The following PCDH15 variants were observed in gnomAD, a reference collection of about 807,000 sequenced individuals.
PCDH15 encodes protocadherin related 15, also known as protocadherin-15.
Under a neutral mutation model 178.5 loss-of-function variants are expected in PCDH15, and 129 were observed. That is an observed-to-expected ratio of 0.72 (90% CI 0.63 to 0.84). PCDH15 has a LOEUF of 0.84. Among genes scored for constraint, PCDH15 ranks in the 40% least tolerant of loss-of-function variants. PCDH15 has a pLI of 0.00. For synonymous variants in PCDH15, 800 were observed against 732.0 expected (o/e 1.09, Z -1.50); for missense variants, 2,230 against 2,099.9 (o/e 1.06, Z -1.21).
At chr10:53,871,569 A>C (rs2079859140) in intron 26 of PCDH15, among the ~76,000 whole-genome samples, 1 of 151,586 alleles carries the variant, frequency 6.6e-6, no homozygotes, top group African/African-American at 2.4e-5. Context: ...AAGGTTTAAC[A>C]TTTTTTCATA....
intron 3 of PCDH15, among the ~76,000 whole-genome samples, chr10:54,523,646 T>C (rs1426706678): frequency 1.3e-5 from 2 of 152,186 alleles, no homozygotes; most frequent in Non-Finnish European, 2.9e-5. Flanking sequence ...GTAGGAAATA[T>C]TTTAAGTCCA....
At chr10:55,193,931 C>A (rs191244354) in intron 1 of PCDH15, among the ~76,000 whole-genome samples, 15 of 152,006 alleles carry the variant, frequency 9.9e-5, no homozygotes, top group Admixed American at 7.9e-4. Context: ...ATCCAATAAT[C>A]CTGATGCTAA....
chr10:54,133,687 T>C (rs965051535), intron 14 of PCDH15, among the ~76,000 whole-genome samples: 1 of 152,176 alleles, frequency 6.6e-6, no homozygotes, highest in Non-Finnish European at 1.5e-5. Context: ...AGCATTGACA[T>C]AGTCAACTTC....
Position 54,185,135 on chromosome 10 carries a change from G to A in PCDH15, c.1439C>T (p.Ser480Leu), listed in dbSNP as rs1281151581. The A allele has an allele frequency of 4.3e-6, 7 of 1,613,072 alleles. No individual in the cohort carries two copies. Among genetic ancestry groups the A allele is most frequent in the East Asian group, 4.5e-5 (2 of 44,780 alleles). Reference sequence around the variant, plus strand: ...TATATTTACACAAAAGCTCTTTACCGAAAAGGTGTAAGTTTGCTGTTCTTC... The same window carrying A: ...TATATTTACACAAAAGCTCTTTACCAAAAAGGTGTAAGTTTGCTGTTCTTC... ...DREEQQTYTF[S>L]ITAFDGVQES... The change falls in exon 12 of 38, where the codon TCG becomes TTG. Residue 480 changes from serine to leucine, a missense_variant and splice_region_variant. Ser to Leu is a moderately radical substitution (Grantham distance 145). Coordinates refer to ENST00000644397, the MANE Select transcript of PCDH15 (RefSeq NM_001384140.1).
At position 54,099,513 on chromosome 10, in the gene PCDH15, A is replaced by AAAAAAATATATAT. The variant is rs1347306483; in HGVS notation, c.1918-9451_1918-9450insATATATATTTTTT. Among the ~76,000 whole-genome samples the AAAAAAATATATAT allele has an allele frequency of 8.5e-5, 10 of 117,896 alleles. No individual in the cohort carries two copies. The South Asian group carries it at 8.7e-4, about 10-fold the overall frequency. The allele number at this position is 117,896 out of a possible 152,430, so 77.3% of individuals were successfully genotyped here. A position where few individuals can be genotyped will look rare whatever the true frequency, so the allele number is the denominator to read the frequency against. On this transcript the variant is annotated intron_variant, in intron 15 of 37. Transcript: ENST00000644397. Reference sequence around the variant, plus strand: ...GACTCCATCTCAAAAAAAAAAAAAAAATATATATATATATATATAAAACAA... The same window carrying AAAAAAATATATAT: ...GACTCCATCTCAAAAAAAAAAAAAAAAAAAAATATATATATATATATATATATATATAAAACAA...
chr10:55,105,908 A>G (rs980632038), intron 2 of PCDH15, among the ~76,000 whole-genome samples: 7 of 152,208 alleles, frequency 4.6e-5, no homozygotes, highest in African/African-American at 1.7e-4. Flanking sequence ...TGAGCCTTCA[A>G]TGACTACATG....
chr10:54,448,163 T>C (rs964024440), intron 3 of PCDH15, among the ~76,000 whole-genome samples: 6 of 151,764 alleles, frequency 4.0e-5, no homozygotes, highest in Non-Finnish European at 8.8e-5. Context: ...CCATTTATTA[T>C]TTTGCCATGT....
At chr10:54,093,661 T>C (rs1307407839) in intron 15 of PCDH15, among the ~76,000 whole-genome samples, 1 of 152,224 alleles carries the variant, frequency 6.6e-6, no homozygotes, top group East Asian at 1.9e-4. Flanking sequence ...TAATTGCTTA[T>C]AATGTGTCAG....
At chr10:54,432,877 T>C (rs568927140) in intron 3 of PCDH15, among the ~76,000 whole-genome samples, 1 of 151,940 alleles carries the variant, frequency 6.6e-6, no homozygotes, top group African/African-American at 2.4e-5. Flanking sequence ...AACAACTATA[T>C]AGGAAAATTG....
At chr10:53,962,758 G>A (rs569598922) in intron 21 of PCDH15, among the ~76,000 whole-genome samples, 1 of 152,228 alleles carries the variant, frequency 6.6e-6, no homozygotes, top group African/African-American at 2.4e-5. Context: ...AATTTGATAA[G>A]TTTTTAAAAG....
At chr10:54,519,631 T>A (rs1458229721) in intron 3 of PCDH15, among the ~76,000 whole-genome samples, 3 of 152,106 alleles carry the variant, frequency 2.0e-5, no homozygotes, top group African/African-American at 4.8e-5. Context: ...AAAATGGCCA[T>A]ACTGCCCAAG....
rs1491511066 is a variant in PCDH15 at position 54,442,414 on chromosome 10, C to CTTTT, written c.158-63473_158-63472insAAAA. 1.3e-3 allele frequency among the ~76,000 whole-genome samples: 24 copies of CTTTT among 19,190 alleles called. 1 individual carries two copies. The highest frequency in any genetic ancestry group is 3.7e-3 in the African/African-American group (18 of 4,926). 12.6% of individuals were successfully genotyped at this position (19,190 alleles called of 152,430 possible). On this transcript the variant is annotated intron_variant, in intron 3 of 37. Coordinates refer to ENST00000644397, the MANE Select transcript of PCDH15 (RefSeq NM_001384140.1). Reference sequence around the variant, plus strand: ...TTAAAAAAAAAAAAGGCCTTAAAGGCTATATATATATATATATATATATAT... The same window carrying CTTTT: ...TTAAAAAAAAAAAAGGCCTTAAAGGCTTTTTATATATATATATATATATATATAT...
intron 2 of PCDH15, among the ~76,000 whole-genome samples, chr10:55,347,038 AC>A (rs2131961965): frequency 6.6e-6 from 1 of 151,534 alleles, no homozygotes; most frequent in East Asian, 2.0e-4. Context: ...ACATGGCAAA[AC>A]CCCATCTCTA....
At chr10:55,449,790 C>A (rs915968154) in intron 2 of PCDH15, among the ~76,000 whole-genome samples, 2 of 151,978 alleles carry the variant, frequency 1.3e-5, no homozygotes, top group African/African-American at 4.8e-5. Flanking sequence ...AATACGAGAA[C>A]CCTTGGGTCA....
rs73269384 is a variant in PCDH15, at chr10:55,518,541, G to A, written c.-156+109084C>T. Among the ~76,000 whole-genome samples, 1,401 of 152,022 alleles carry A rather than the reference G, an allele frequency of 9.2e-3. 18 individuals carry two copies. Among genetic ancestry groups the A allele is most frequent in the African/African-American group, 0.032 (1,335 of 41,494 alleles). Reference sequence around the variant, plus strand: ...ACAGCTGGGGCACAGAGGGAGGTTGGGGGAGAGTCTCTTGGGTAACTTCCA... The same window carrying A: ...ACAGCTGGGGCACAGAGGGAGGTTGAGGGAGAGTCTCTTGGGTAACTTCCA... On this transcript the variant is annotated intron_variant, in intron 2 of 5. Transcript: ENST00000613346.
intron 8 of PCDH15, among the ~76,000 whole-genome samples, chr10:54,310,631 G>A (rs2060844384): frequency 6.6e-6 from 1 of 151,858 alleles, no homozygotes; most frequent in African/African-American, 2.4e-5. Flanking sequence ...ATTCAAACTT[G>A]GAACTCAAGA....
intron 3 of PCDH15, among the ~76,000 whole-genome samples, chr10:54,396,077 C>T (rs550608919): frequency 2.6e-5 from 4 of 152,214 alleles, no homozygotes; most frequent in African/African-American, 7.2e-5. Flanking sequence ...TATACATTTA[C>T]AAAGACAAAA....
chr10:55,491,239 T>C (rs1331933928), intron 2 of PCDH15, among the ~76,000 whole-genome samples: 1 of 151,702 alleles, frequency 6.6e-6, no homozygotes, highest in Non-Finnish European at 1.5e-5. Context: ...TATATCTGAT[T>C]TCACCCTGGG....
intron 14 of PCDH15, among the ~76,000 whole-genome samples, chr10:54,141,710 T>C (rs2043426909): frequency 6.6e-6 from 1 of 152,210 alleles, no homozygotes; most frequent in South Asian, 2.1e-4. Context: ...GACACTTTGT[T>C]GTAATTTTTG....
Sources: gnomAD v4.1 joint callset for allele counts (sites outside exome capture counted in the v4.1 genomes callset) on GRCh38, gnomAD v4.1.1 for gene constraint, MANE v1.5 for transcripts, NCBI Gene and HGNC (gene_info 2026-07-23, HGNC 2026-07-21) for gene names.